MAP7: variants seen among roughly 807,000 people sequenced by gnomAD.
MAP7 encodes the protein microtubule associated protein 7.
A neutral mutation model predicts 94.8 loss-of-function variants in MAP7; 52 were observed. The observed-to-expected ratio is 0.55, with a 90% confidence interval of 0.44 to 0.69. The LOEUF (loss-of-function observed/expected upper bound fraction) is 0.69, where lower values mean the gene tolerates loss of function less well. Ranked by LOEUF, MAP7 falls within the 30% of genes least tolerant of loss-of-function variation. The pLI, the probability that MAP7 is intolerant of heterozygous loss-of-function variation, is 0.00. For missense variants in MAP7, 940 were observed against 964.6 expected, an observed-to-expected ratio of 0.97 and a Z score of 0.34; for synonymous variants, 350 against 357.0, an observed-to-expected ratio of 0.98 and a Z score of 0.22.
chr6:136,459,860 G>A (rs1275301074), intron 1 of MAP7, among the ~76,000 whole-genome samples: 2 of 152,070 alleles, frequency 1.3e-5, no homozygotes, highest in African/African-American at 2.4e-5. Context: ...ATCCTGTATC[G>A]TACACTTTAA....
intron 1 of MAP7, among the ~76,000 whole-genome samples, chr6:136,430,967 G>A (rs1041543419): frequency 2.0e-5 from 3 of 152,138 alleles, no homozygotes; most frequent in Non-Finnish European, 4.4e-5. Context: ...TACCACTGAT[G>A]GGCTGACACT....
chr6:136,508,594 T>C (rs866839475), intron 1 of MAP7, among the ~76,000 whole-genome samples: 4 of 152,184 alleles, frequency 2.6e-5, no homozygotes, highest in African/African-American at 9.7e-5. Context: ...GATGCCTGCT[T>C]CTCTTCAGTC....
intron 1 of MAP7, among the ~76,000 whole-genome samples, chr6:136,511,490 T>C (rs1357326932): frequency 7.2e-6 from 1 of 138,920 alleles, no homozygotes; most frequent in Non-Finnish European, 1.5e-5. Context: ...TTTCTGGGCC[T>C]TAAAAAAAAA....
At chr6:136,505,310 T>C (rs1022170298) in intron 1 of MAP7, among the ~76,000 whole-genome samples, 1 of 137,520 alleles carries the variant, frequency 7.3e-6, no homozygotes, top group African/African-American at 2.8e-5. Flanking sequence ...TATATATATA[T>C]ATAGTAAAAT....
chr6:136,470,963 A>G (rs1355863127), intron 1 of MAP7, among the ~76,000 whole-genome samples: 3 of 152,204 alleles, frequency 2.0e-5, no homozygotes, highest in African/African-American at 2.4e-5. Context: ...CATTATCATC[A>G]TTATCAAAAT....
chr6:136,372,980 A>G (rs561829106), intron 7 of MAP7, among the ~76,000 whole-genome samples: 3 of 149,328 alleles, frequency 2.0e-5, no homozygotes, highest in South Asian at 2.1e-4. Context: ...ATGGTTCTGG[A>G]AAAAAAACTA....
At chr6:136,453,016 A>G (rs1276003427) in intron 1 of MAP7, among the ~76,000 whole-genome samples, 1 of 152,212 alleles carries the variant, frequency 6.6e-6, no homozygotes, top group African/African-American at 2.4e-5. Context: ...AACTGAACCC[A>G]AAGTATCTAC....
intron 1 of MAP7, among the ~76,000 whole-genome samples, chr6:136,532,027 T>C (rs1454578544): frequency 2.6e-5 from 4 of 152,204 alleles, no homozygotes; most frequent in African/African-American, 9.7e-5. Flanking sequence ...ATAGGCTATA[T>C]TCTTATCCAT....
intron 1 of MAP7, among the ~76,000 whole-genome samples, chr6:136,512,210 C>A (rs1258191119): frequency 6.6e-6 from 1 of 152,214 alleles, no homozygotes; most frequent in Non-Finnish European, 1.5e-5. Flanking sequence ...GCTGGCAGGG[C>A]CAGAGTGTGT....
At chr6:136,477,012 C>T (rs1811141843) in intron 1 of MAP7, among the ~76,000 whole-genome samples, 6 of 152,102 alleles carry the variant, frequency 3.9e-5, no homozygotes, top group Admixed American at 3.9e-4. Flanking sequence ...ATCACTGAGG[C>T]TAAAGTTAAT....
chr6:136,536,973 G>A (rs1349356841), intron 1 of MAP7, among the ~76,000 whole-genome samples: 3 of 152,092 alleles, frequency 2.0e-5, no homozygotes, highest in African/African-American at 7.2e-5. Flanking sequence ...CCTTCCTTCT[G>A]GCATTTCATA....
intron 2 of MAP7, among the ~76,000 whole-genome samples, chr6:136,414,468 T>C (rs11751156): frequency 6.6e-6 from 1 of 151,830 alleles, no homozygotes; most frequent in Non-Finnish European, 1.5e-5. Flanking sequence ...TTAAGGGCTA[T>C]CCACAGGAAG....
intron 1 of MAP7, among the ~76,000 whole-genome samples, chr6:136,474,549 G>A (rs904302115): frequency 6.6e-5 from 10 of 152,138 alleles, no homozygotes; most frequent in Non-Finnish European, 1.3e-4. Flanking sequence ...ACAACAGAGC[G>A]GCCTCAGCGC....
intron 3 of MAP7, among the ~76,000 whole-genome samples, chr6:136,410,427 G>A (rs1380781749): frequency 6.6e-6 from 1 of 152,198 alleles, no homozygotes; most frequent in Non-Finnish European, 1.5e-5. Context: ...CCTTAGTAGG[G>A]AGCAATGAGC....
chr6:136,457,147 A>G (rs1168245043), intron 1 of MAP7, among the ~76,000 whole-genome samples: 1 of 151,874 alleles, frequency 6.6e-6, no homozygotes, highest in African/African-American at 2.4e-5. Context: ...AAAGGACCAT[A>G]AAAGGCTACT....
Position 136,474,906 on chromosome 6 carries a change from G to A in MAP7, c.68-53107C>T, listed in dbSNP as rs183153473. Among the ~76,000 whole-genome samples the A allele has an allele frequency of 2.2e-4, 33 of 152,066 alleles. No homozygotes were observed. The East Asian group carries it at 6.4e-3, about 30-fold the overall frequency. ...AATTTTTGTATTTTGGGTAGAGACG[G>A]GGTTTCACTATGTTGCCCAGGCTGG... On this transcript the variant is annotated intron_variant, in intron 1 of 17. Transcript: ENST00000354570.
chr6:136,361,262 G>T (rs957523421), intron 11 of MAP7, 83 bp from the exon 12 acceptor site: 2 of 1,469,900 alleles, frequency 1.4e-6, no homozygotes, highest in African/African-American at 1.4e-5. Context: ...TGGTTCTGTA[G>T]GGCGGTTCCT....
At chr6:136,434,546 T>C (rs1795848206) in intron 1 of MAP7, among the ~76,000 whole-genome samples, 2 of 151,964 alleles carry the variant, frequency 1.3e-5, no homozygotes, top group South Asian at 4.1e-4. Context: ...AAAATTGAGA[T>C]TTAAAACATG....
intron 1 of MAP7, among the ~76,000 whole-genome samples, chr6:136,500,583 T>C (rs1232732842): frequency 6.6e-6 from 1 of 152,230 alleles, no homozygotes; most frequent in Non-Finnish European, 1.5e-5. Context: ...TTAGACATAC[T>C]ATCGTCCTCT....
Sources: allele counts gnomAD v4.1 joint callset (sites outside exome capture counted in the v4.1 genomes callset), GRCh38; gene constraint gnomAD v4.1.1; transcripts MANE v1.5; gene names NCBI Gene and HGNC (gene_info 2026-07-23, HGNC 2026-07-21).